FBXO8: variants seen among roughly 807,000 people sequenced by gnomAD.
The protein encoded by FBXO8 is F-box only protein 8.
In FBXO8, 15 loss-of-function variants were observed where a neutral mutation model predicts 33.4. The ratio of observed to expected loss-of-function variants is 0.45; its 90% CI spans 0.30 to 0.69. The LOEUF (loss-of-function observed/expected upper bound fraction) is 0.69, where lower values mean the gene tolerates loss of function less well. FBXO8 is among the 30% of genes least tolerant of loss of function. FBXO8 has a pLI of 0.08. For missense variants in FBXO8, 274 were observed against 380.3 expected (o/e 0.72, Z 2.32); for synonymous variants, 132 against 131.5 (o/e 1.00, Z -0.02).
At chr4:174,244,696 T>C (rs190260226) in intron 3 of FBXO8, among the ~76,000 whole-genome samples, 1 of 151,740 alleles carries the variant, frequency 6.6e-6, no homozygotes, top group East Asian at 1.9e-4. Flanking sequence ...CCTCCAAGCA[T>C]AGAGATCAGC....
rs1317390720 is a variant in FBXO8, at chr4:174,255,072, GC to G, written c.456+4626del. The stretch of plus-strand genomic sequence containing the variant: ...AGTATTAACGGCTTTGAAAAGTTAG[GC>G]TGTAAATAAGCCAACTAATCATAAT... On this transcript the variant is annotated intron_variant, in intron 3 of 5. Transcript: ENST00000393674. The surrounding 1 kb of genome is among the most constrained non-coding windows in gnomAD (Gnocchi z 4.3). Among the ~76,000 whole-genome samples the G allele has an allele frequency of 6.6e-6, 1 of 152,074 alleles. No individual in the cohort carries two copies. Among genetic ancestry groups the G allele is most frequent in the African/African-American group, 2.4e-5 (1 of 41,418 alleles).
rs1427633288 is a variant in FBXO8, at chr4:174,267,228, T to C, written c.-8-4128A>G. Among the ~76,000 whole-genome samples, 1 of 152,170 alleles carries C rather than the reference T, an allele frequency of 6.6e-6. No homozygotes were observed. Among genetic ancestry groups the C allele is most frequent in the Non-Finnish European group, 1.5e-5 (1 of 68,028 alleles). Reference sequence around the variant, plus strand: ...TGGTGCCAATAGCAGTTCCATGAAATAGGTCTTTGTGTTATTGTTAATAAT... The same window carrying C: ...TGGTGCCAATAGCAGTTCCATGAAACAGGTCTTTGTGTTATTGTTAATAAT... On this transcript the variant is annotated intron_variant, in intron 1 of 5. Transcript: ENST00000393674. This position sits in a 1 kb window ranked among gnomAD's most constrained non-coding sequence, Gnocchi z 4.7.
chr4:174,282,968 C>CA (rs1436754205), intron 1 of FBXO8, among the ~76,000 whole-genome samples: 2 of 152,162 alleles, frequency 1.3e-5, no homozygotes, highest in Admixed American at 1.3e-4. Flanking sequence ...TAGCAGCTAG[C>CA]AATCCATCGT....
In FBXO8 at chr4:174,271,031, G is replaced by A. The variant is rs182362539; in HGVS notation, c.-8-7931C>T. 2.0e-3 allele frequency among the ~76,000 whole-genome samples: 301 copies of A among 151,596 alleles called. 1 individual carries two copies. The Middle Eastern group carries it at 0.021, about 10-fold the overall frequency. On this transcript the variant is annotated intron_variant, in intron 1 of 5. Coordinates refer to ENST00000393674, the MANE Select transcript of FBXO8 (RefSeq NM_012180.3). Reference sequence around the variant, plus strand: ...AAACAATCTTTTATGGAACTTTTTTGGAAAAAAATCTCAACCTTGGTTGTA... The same window carrying A: ...AAACAATCTTTTATGGAACTTTTTTAGAAAAAAATCTCAACCTTGGTTGTA...
chr4:174,267,064 CATGTTTTT>C lies in FBXO8; in HGVS notation c.-8-3972_-8-3965del, dbSNP rs1736711560. On this transcript the variant is annotated intron_variant, in intron 1 of 5. Coordinates refer to ENST00000393674, the MANE Select transcript of FBXO8 (RefSeq NM_012180.3). This position sits in a 1 kb window ranked among gnomAD's most constrained non-coding sequence, Gnocchi z 4.7. Reference sequence around the variant, plus strand: ...TCCTTTAGTTATTTCATATTGTGACCATGTTTTTATGTTGTTTCTTCTTGTAAATCCAA... The same window carrying C: ...TCCTTTAGTTATTTCATATTGTGACCATGTTGTTTCTTCTTGTAAATCCAA... 6.6e-6 allele frequency among the ~76,000 whole-genome samples: 1 copy of C among 152,074 alleles called. No homozygotes were observed. Among genetic ancestry groups the C allele is most frequent in the Admixed American group, 6.6e-5 (1 of 15,264 alleles).
Position 174,257,921 on chromosome 4 carries a change from C to T in FBXO8, c.456+1778G>A, listed in dbSNP as rs367765698. ...TTAAAAATTTTTTGTGGAGACAGGACCTCCCTATGTTGTCCAGGCTGGTCT... is the reference window on the plus strand; with the variant it reads ...TTAAAAATTTTTTGTGGAGACAGGATCTCCCTATGTTGTCCAGGCTGGTCT... On this transcript the variant is annotated intron_variant, in intron 3 of 5. Coordinates refer to ENST00000393674, the MANE Select transcript of FBXO8 (RefSeq NM_012180.3). The surrounding 1 kb of genome is among the most constrained non-coding windows in gnomAD (Gnocchi z 4.3). Among the ~76,000 whole-genome samples, 12 of 152,046 alleles carry T rather than the reference C, an allele frequency of 7.9e-5. No homozygotes were observed. Among genetic ancestry groups the T allele is most frequent in the East Asian group, 5.8e-4 (3 of 5,174 alleles).
At chr4:174,276,158 C>T (rs533447148) in intron 1 of FBXO8, among the ~76,000 whole-genome samples, 1 of 152,044 alleles carries the variant, frequency 6.6e-6, no homozygotes, top group African/African-American at 2.4e-5. Flanking sequence ...TTCTTATATG[C>T]CCTTGTTTCC....
chr4:174,246,161 A>G (rs748977333), intron 3 of FBXO8, among the ~76,000 whole-genome samples: 1 of 151,940 alleles, frequency 6.6e-6, no homozygotes, highest in Non-Finnish European at 1.5e-5. Context: ...GAGTTAAAGA[A>G]CAGGGTGTCT....
intron 3 of FBXO8, among the ~76,000 whole-genome samples, chr4:174,244,885 T>C (rs1377053100): frequency 1.3e-5 from 2 of 151,786 alleles, no homozygotes; most frequent in African/African-American, 2.4e-5. Context: ...TTCCTAGTCA[T>C]TTGATTTTTT....
At chr4:174,260,908 A>G (rs1736543951) in intron 2 of FBXO8, among the ~76,000 whole-genome samples, 1 of 151,976 alleles carries the variant, frequency 6.6e-6, no homozygotes. Context: ...TCTTATATTC[A>G]TTATTAATTT....
chr4:174,259,214 A>G lies in FBXO8; in HGVS notation c.456+485T>C, dbSNP rs887889835. On this transcript the variant is annotated intron_variant, in intron 3 of 5. Transcript: ENST00000393674. This position sits in a 1 kb window ranked among gnomAD's most constrained non-coding sequence, Gnocchi z 4.3. ...TTATAACAATCTATAAATAGTTCCTATGTCAACATGGAATTATATTGTTAA... is the reference window on the plus strand; with the variant it reads ...TTATAACAATCTATAAATAGTTCCTGTGTCAACATGGAATTATATTGTTAA... Among the ~76,000 whole-genome samples, 6 of 152,126 alleles carry G rather than the reference A, an allele frequency of 3.9e-5. No homozygotes were observed. Among genetic ancestry groups the G allele is most frequent in the Non-Finnish European group, 8.8e-5 (6 of 67,954 alleles).
rs1735923869 is a variant in FBXO8 at position 174,237,892 on chromosome 4, A to G, written c.773-293T>C. 6.6e-6 allele frequency among the ~76,000 whole-genome samples: 1 copy of G among 152,074 alleles called. No homozygotes were observed. Among genetic ancestry groups the G allele is most frequent in the South Asian group, 2.1e-4 (1 of 4,834 alleles). On this transcript the variant is annotated intron_variant, in intron 5 of 5. Coordinates refer to ENST00000393674, the MANE Select transcript of FBXO8 (RefSeq NM_012180.3). This position sits in a 1 kb window ranked among gnomAD's most constrained non-coding sequence, Gnocchi z 4.4. ...GAACTTTAGAACAGTTTAGGAGTGT[A>G]TAGTAAAAATTCATTCTAGATTTAA...
At position 174,262,654 on chromosome 4, in the gene FBXO8, T is replaced by C; in HGVS notation, c.329+110A>G. ...GGTTTTAATAAAGAGCATCTCAAAGTACAAGCCCAAGTTTAAAGAAAATAT... is the reference window on the plus strand; with the variant it reads ...GGTTTTAATAAAGAGCATCTCAAAGCACAAGCCCAAGTTTAAAGAAAATAT... On this transcript the variant is annotated intron_variant, in intron 2 of 5. Coordinates refer to ENST00000393674, the MANE Select transcript of FBXO8 (RefSeq NM_012180.3). This position sits in a 1 kb window ranked among gnomAD's most constrained non-coding sequence, Gnocchi z 4.6. The C allele has an allele frequency of 1.1e-6, 1 of 928,044 alleles. No individual in the cohort carries two copies. Among genetic ancestry groups the C allele is most frequent in the Non-Finnish European group, 1.6e-6 (1 of 627,368 alleles). The allele number at this position is 928,044 out of a possible 1,614,324, so 57.5% of individuals were successfully genotyped here.
chr4:174,268,651 T>C (rs1736757205), intron 1 of FBXO8, among the ~76,000 whole-genome samples: 2 of 152,192 alleles, frequency 1.3e-5, no homozygotes, highest in Admixed American at 6.5e-5. Context: ...TTAGCCAGGA[T>C]GGTCTCCATC....
rs1312119892 is a variant in FBXO8 at position 174,241,984 on chromosome 4, A to G, written c.457-766T>C. On this transcript the variant is annotated intron_variant, in intron 3 of 5. Coordinates refer to ENST00000393674, the MANE Select transcript of FBXO8 (RefSeq NM_012180.3). This position sits in a 1 kb window ranked among gnomAD's most constrained non-coding sequence, Gnocchi z 4.2. ...AAAACACCACCAACAAAAAAATCAA[A>G]TGCTGAAAACAGTATTCTCTCACAT... Among the ~76,000 whole-genome samples the G allele has an allele frequency of 2.0e-5, 3 of 151,582 alleles. No individual in the cohort carries two copies. The highest frequency in any genetic ancestry group is 4.4e-5 in the Non-Finnish European group (3 of 67,608).
chr4:174,269,423 T>C (rs2126444005), intron 1 of FBXO8, among the ~76,000 whole-genome samples: 1 of 152,230 alleles, frequency 6.6e-6, no homozygotes, highest in Non-Finnish European at 1.5e-5. Context: ...TGGTGGCTCA[T>C]GCCTGTAATC....
intron 1 of FBXO8, among the ~76,000 whole-genome samples, chr4:174,273,036 C>T (rs777301133): frequency 1.3e-5 from 2 of 152,144 alleles, no homozygotes; most frequent in Non-Finnish European, 2.9e-5. Context: ...AATGGTGGCT[C>T]ATGCCTCTAA....
At position 174,259,057 on chromosome 4, in the gene FBXO8, G is replaced by C. The variant is rs1002282746; in HGVS notation, c.456+642C>G. ...AGTATTTAAACATTTCTGAAAATCT[G>C]AACTTTTCCATGACATAGTAAAATA... On this transcript the variant is annotated intron_variant, in intron 3 of 5. Transcript: ENST00000393674. This position sits in a 1 kb window ranked among gnomAD's most constrained non-coding sequence, Gnocchi z 4.3. Among the ~76,000 whole-genome samples the C allele has an allele frequency of 1.3e-5, 2 of 151,058 alleles. No homozygotes were observed. The highest frequency in any genetic ancestry group is 4.9e-5 in the African/African-American group (2 of 41,134).
Position 174,245,498 on chromosome 4 carries a change from G to A in FBXO8, c.457-4280C>T, listed in dbSNP as rs1378618121. ...TAAAGACTATTTTTAGGAAGGCAGG[G>A]GAAATATTTTGGGTTGGAGAGTAAA... On this transcript the variant is annotated intron_variant, in intron 3 of 5. Coordinates refer to ENST00000393674, the MANE Select transcript of FBXO8 (RefSeq NM_012180.3). This position sits in a 1 kb window ranked among gnomAD's most constrained non-coding sequence, Gnocchi z 4.6. 2.0e-5 allele frequency among the ~76,000 whole-genome samples: 3 copies of A among 151,754 alleles called. No homozygotes were observed. The highest frequency in any genetic ancestry group is 7.3e-5 in the African/African-American group (3 of 41,362).
Sources: gnomAD v4.1 joint callset for allele counts (sites outside exome capture counted in the v4.1 genomes callset) on GRCh38, gnomAD v4.1.1 for gene constraint, Gnocchi (gnomAD v3.1) non-coding constraint, MANE v1.5 for transcripts, NCBI Gene and HGNC (gene_info 2026-07-23, HGNC 2026-07-21) for gene names.